KLHL29: variants seen among roughly 807,000 people sequenced by gnomAD.
KLHL29 encodes kelch like family member 29.
A neutral mutation model predicts 80.4 loss-of-function variants in KLHL29; 21 were observed. That is an observed-to-expected ratio of 0.26 (90% CI 0.19 to 0.38). The LOEUF (loss-of-function observed/expected upper bound fraction) is 0.38, where lower values mean the gene tolerates loss of function less well. Ranked by LOEUF, KLHL29 falls within the 10% of genes least tolerant of loss-of-function variation. The probability of loss-of-function intolerance (pLI) is 1.00; values close to 1 mark genes in which losing one functional copy is unlikely to be tolerated. For synonymous variants in KLHL29, 511 were observed against 526.8 expected, an observed-to-expected ratio of 0.97 and a Z score of 0.41; for missense variants, 867 against 1,223.9, an observed-to-expected ratio of 0.71 and a Z score of 4.35.
chr2:23,681,883 T>C lies in KLHL29; in HGVS notation c.941-2516T>C, dbSNP rs1010038432. On this transcript the variant is annotated intron_variant, in intron 5 of 13. Coordinates refer to ENST00000486442, the MANE Select transcript of KLHL29 (RefSeq NM_052920.2). The surrounding 1 kb of genome is among the most constrained non-coding windows in gnomAD (Gnocchi z 4.2). The stretch of plus-strand genomic sequence containing the variant: ...GTGTGAGCATGGCAGCTGAGCCTTA[T>C]CCAGCCTGGCCCTGCAACTGGCCCT... Among the ~76,000 whole-genome samples, 1 of 152,134 alleles carries C rather than the reference T, an allele frequency of 6.6e-6. No homozygotes were observed. Among genetic ancestry groups the C allele is most frequent in the Admixed American group, 6.5e-5 (1 of 15,270 alleles).
chr2:23,458,203 T>G (rs1664115313), intron 1 of KLHL29, among the ~76,000 whole-genome samples: 1 of 152,204 alleles, frequency 6.6e-6, no homozygotes, highest in South Asian at 2.1e-4. Context: ...GCTCATTTAT[T>G]CAGCTTGCCC....
chr2:23,385,239 C>T lies in KLHL29; in HGVS notation c.-695C>T, dbSNP rs1666140482. ...CATGGTCCCCGCGCCGCGGCCGCGC[C>T]AGCCCCCGCGCCGCCGCCGCCGTCC... On this transcript the variant is annotated 5_prime_UTR_variant, in exon 1 of 14. An upstream open reading frame in the 5' UTR gains an earlier in-frame stop. Transcript: ENST00000486442. 1.4e-5 allele frequency: 2 copies of T among 148,020 alleles called. No homozygotes were observed. The highest frequency in any genetic ancestry group is 2.0e-4 in the East Asian group (1 of 5,048). The allele number at this position is 148,020 out of a possible 1,614,324, so 9.2% of individuals were successfully genotyped here.
At chr2:23,520,866 C>T (rs1197154544) in intron 2 of KLHL29, among the ~76,000 whole-genome samples, 5 of 152,200 alleles carry the variant, frequency 3.3e-5, no homozygotes, top group Admixed American at 2.0e-4. Flanking sequence ...TCTGTCTTTT[C>T]TCCCCAAATA....
intron 1 of KLHL29, among the ~76,000 whole-genome samples, chr2:23,472,500 G>A (rs558424042): frequency 2.0e-5 from 3 of 152,322 alleles, no homozygotes; most frequent in East Asian, 3.9e-4. Context: ...CGGGCATGGC[G>A]GCGTGTGCCT....
chr2:23,473,114 C>T (rs985827018), intron 1 of KLHL29, among the ~76,000 whole-genome samples: 1 of 152,122 alleles, frequency 6.6e-6, no homozygotes, highest in Non-Finnish European at 1.5e-5. Context: ...TCCTTGTTCC[C>T]CAGCTAGAGC....
At chr2:23,673,066 G>C (rs1272335889) in intron 5 of KLHL29, among the ~76,000 whole-genome samples, 1 of 152,156 alleles carries the variant, frequency 6.6e-6, no homozygotes, top group Non-Finnish European at 1.5e-5. Flanking sequence ...TGATGGGTTG[G>C]TTTGCTTGTT....
At chr2:23,434,890 G>A (rs1440312134) in intron 1 of KLHL29, among the ~76,000 whole-genome samples, 1 of 152,184 alleles carries the variant, frequency 6.6e-6, no homozygotes, top group Non-Finnish European at 1.5e-5. Flanking sequence ...GCCTGAGAGG[G>A]GGTGGGGAGT....
intron 1 of KLHL29, among the ~76,000 whole-genome samples, chr2:23,420,994 G>A (rs1463410584): frequency 1.3e-5 from 2 of 152,152 alleles, no homozygotes; most frequent in Admixed American, 6.5e-5. Flanking sequence ...CAGGCCAGGG[G>A]CTTTCATTAA....
intron 1 of KLHL29, among the ~76,000 whole-genome samples, chr2:23,444,374 G>A (rs1038820415): frequency 6.6e-6 from 1 of 152,254 alleles, no homozygotes; most frequent in Admixed American, 6.5e-5. Flanking sequence ...CCCAGGCCTG[G>A]AGTGCAATGG....
At chr2:23,643,220 C>CG (rs150707812) in intron 5 of KLHL29, 4 of 413,942 alleles carry the variant, frequency 9.7e-6, no homozygotes, top group Non-Finnish European at 1.8e-5. Flanking sequence ...CTCAGGGCAC[C>CG]GCAGAACAGT....
intron 2 of KLHL29, among the ~76,000 whole-genome samples, chr2:23,535,367 C>A (rs138390787): frequency 6.6e-6 from 1 of 152,250 alleles, no homozygotes; most frequent in East Asian, 1.9e-4. Flanking sequence ...AAGCCTCACA[C>A]GGCCACAGGC....
intron 1 of KLHL29, among the ~76,000 whole-genome samples, chr2:23,450,441 G>A (rs1438931060): frequency 6.6e-6 from 1 of 152,134 alleles, no homozygotes; most frequent in African/African-American, 2.4e-5. Context: ...AGATCAGGAA[G>A]CCAAGGTCGT....
intron 5 of KLHL29, among the ~76,000 whole-genome samples, chr2:23,653,193 C>T (rs1277489007): frequency 6.6e-6 from 1 of 152,194 alleles, no homozygotes; most frequent in Non-Finnish European, 1.5e-5. Flanking sequence ...GCCAGGAAAA[C>T]CTCACTTTAC....
At chr2:23,588,321 AGCAC>A (rs964199165) in intron 3 of KLHL29, among the ~76,000 whole-genome samples, 6 of 152,186 alleles carry the variant, frequency 3.9e-5, no homozygotes, top group African/African-American at 1.4e-4. Context: ...AGCAGGCCTC[AGCAC>A]CCCTCACCAG....
In KLHL29 at chr2:23,696,238, C is replaced by T. The variant is rs984048146; in HGVS notation, c.1925-95C>T. 3.1e-4 allele frequency: 454 copies of T among 1,482,432 alleles called. 1 individual carries two copies. Among genetic ancestry groups the T allele is most frequent in the Non-Finnish European group, 1.8e-4 (202 of 1,093,488 alleles). 91.8% of individuals were successfully genotyped at this position (1,482,432 alleles called of 1,614,324 possible). A position where few individuals can be genotyped will look rare whatever the true frequency, so the allele number is the denominator to read the frequency against. Reference sequence around the variant, plus strand: ...CCATGGCCCAGAAGTGTCTACTTTGCAGGTGAAGCCTTCCTCTGCCCCTGG... The same window carrying T: ...CCATGGCCCAGAAGTGTCTACTTTGTAGGTGAAGCCTTCCTCTGCCCCTGG... On this transcript the variant is annotated intron_variant, in intron 10 of 13. Coordinates refer to ENST00000486442, the MANE Select transcript of KLHL29 (RefSeq NM_052920.2). This position sits in a 1 kb window ranked among gnomAD's most constrained non-coding sequence, Gnocchi z 5.5.
intron 3 of KLHL29, among the ~76,000 whole-genome samples, chr2:23,602,856 G>A (rs1189244426): frequency 3.3e-5 from 5 of 152,136 alleles, no homozygotes; most frequent in Non-Finnish European, 7.4e-5. Context: ...CCCAGCCCAG[G>A]GGAGCCACAC....
At chr2:23,572,666 A>G (rs1380329670) in intron 3 of KLHL29, among the ~76,000 whole-genome samples, 1 of 152,092 alleles carries the variant, frequency 6.6e-6, no homozygotes, top group Non-Finnish European at 1.5e-5. Flanking sequence ...TACCTGAGAG[A>G]AGATAGTGGA....
intron 2 of KLHL29, among the ~76,000 whole-genome samples, chr2:23,545,760 C>T (rs189065838): frequency 8.2e-4 from 125 of 152,308 alleles, no homozygotes; most frequent in Admixed American, 6.6e-3. Context: ...TCTTCTCGGG[C>T]GTGAAAAATA....
chr2:23,470,081 G>A (rs1664456924), intron 1 of KLHL29, among the ~76,000 whole-genome samples: 1 of 151,828 alleles, frequency 6.6e-6, no homozygotes, highest in African/African-American at 2.4e-5. Flanking sequence ...CTTTCATGCT[G>A]GGTTTATGGT....
Sources: gnomAD v4.1 joint callset for allele counts (sites outside exome capture counted in the v4.1 genomes callset) on GRCh38, gnomAD v4.1.1 for gene constraint, Gnocchi (gnomAD v3.1) non-coding constraint, MANE v1.5 for transcripts, NCBI Gene and HGNC (gene_info 2026-07-23, HGNC 2026-07-21) for gene names.